The following NFATC2 variants were observed in gnomAD, a reference collection of about 807,000 sequenced individuals.
NFATC2 encodes the protein nuclear factor of activated T cells 2.
In NFATC2, 22 loss-of-function variants were observed where a neutral mutation model predicts 87.3. The observed-to-expected ratio is 0.25, with a 90% CI of 0.18 to 0.36. NFATC2 has a LOEUF of 0.36. Ranked by LOEUF, NFATC2 falls within the 10% of genes least tolerant of loss-of-function variation. NFATC2 has a pLI of 1.00. For missense variants in NFATC2, 1,149 were observed against 1,259.1 expected, an observed-to-expected ratio of 0.91 and a Z score of 1.32; for synonymous variants, 565 against 542.2, an observed-to-expected ratio of 1.04 and a Z score of -0.58.
chr20:51,562,449 C>A lies in NFATC2; in HGVS notation c.70+111G>T. 1 of 1,015,834 alleles carries A rather than the reference C, an allele frequency of 9.8e-7. No homozygotes were observed. Among genetic ancestry groups the A allele is most frequent in the Non-Finnish European group, 1.5e-6 (1 of 685,838 alleles). 62.9% of individuals were successfully genotyped at this position (1,015,834 alleles called of 1,614,324 possible). A position where few individuals can be genotyped will look rare whatever the true frequency, so the allele number is the denominator to read the frequency against. ...CCGAGGGCGAGCGGGGTCCCCAGGC[C>A]TCCCGCACCGACCTCTGCCGGGAGC... On this transcript the variant is annotated intron_variant, in intron 1 of 10. Transcript: ENST00000414705. This position sits in a 1 kb window ranked among gnomAD's most constrained non-coding sequence, Gnocchi z 5.8.
At chr20:51,447,311 GCAAAA>G (rs1197981535) in intron 6 of NFATC2, among the ~76,000 whole-genome samples, 1 of 152,118 alleles carries the variant, frequency 6.6e-6, no homozygotes, top group Non-Finnish European at 1.5e-5. Context: ...AAATCGTCCA[GCAAAA>G]CAAAACAAAA....
rs773149975 is a variant in NFATC2 at position 51,444,848 on chromosome 20, G to GC, written c.1850-9088dup. On this transcript the variant is annotated intron_variant, in intron 6 of 10. Coordinates refer to ENST00000371564, the MANE Select transcript of NFATC2 (RefSeq NM_012340.5). ...GTGGGGTGGGGGAGATTCAGGAATG[G>GC]CCCCCCCAGCTTAGGATTTCAGCCG... 5.3e-5 allele frequency among the ~76,000 whole-genome samples: 8 copies of GC among 152,084 alleles called. No homozygotes were observed. In the East Asian group the frequency reaches 7.7e-4, roughly 15 times the overall value.
At chr20:51,435,055 T>A in intron 8 of NFATC2, 133 bp downstream of exon 8, 1 of 1,099,222 alleles carries the variant, frequency 9.1e-7, no homozygotes, top group Non-Finnish European at 1.3e-6. Flanking sequence ...GTCTCACAGA[T>A]GATGCAACTG....
intron 1 of NFATC2, among the ~76,000 whole-genome samples, chr20:51,540,658 G>GTTTTGTTT (rs2076797432): frequency 9.1e-6 from 1 of 110,054 alleles, no homozygotes; most frequent in African/African-American, 3.7e-5. Flanking sequence ...TTTTTTTTTT[G>GTTTTGTTT]TTTTTTTTTT....
At chr20:51,509,040 C>T (rs1354848828) in intron 3 of NFATC2, among the ~76,000 whole-genome samples, 2 of 152,088 alleles carry the variant, frequency 1.3e-5, no homozygotes, top group African/African-American at 2.4e-5. Flanking sequence ...CTTCCCCTTC[C>T]CCTGCCCTTC....
At chr20:51,436,272 T>A (rs949993240) in intron 6 of NFATC2, among the ~76,000 whole-genome samples, 5 of 150,134 alleles carry the variant, frequency 3.3e-5, no homozygotes, top group African/African-American at 1.2e-4. Context: ...AATTAAAAAA[T>A]AAAATAATGT....
intron 1 of NFATC2, among the ~76,000 whole-genome samples, chr20:51,561,303 G>T (rs1262470466): frequency 1.5e-5 from 2 of 131,646 alleles, no homozygotes; most frequent in African/African-American, 3.0e-5. Flanking sequence ...CCTAACCCAA[G>T]GCATTTGGCT....
chr20:51,488,997 T>C (rs2075834012), intron 3 of NFATC2, among the ~76,000 whole-genome samples: 1 of 152,232 alleles, frequency 6.6e-6, no homozygotes, highest in Non-Finnish European at 1.5e-5. Context: ...AAGACCAGAC[T>C]GGCCAACATG....
Position 51,523,104 on chromosome 20 carries a change from C to T in NFATC2, c.1137G>A (p.Leu379=). ...ACCTGCAGATGGGAATGGCAGGCAC[C>T]AGCGGCTTGGGCCAAGTGGGCGGAA... The part of the protein sequence containing the change: ...LLVPPTWPKP[L]VPAIPICSIP... The change falls in exon 2 of 11, where the codon CTG becomes CTA. Residue 379 remains leucine (L), a synonymous_variant. Transcript: ENST00000371564. This position sits in a 1 kb window ranked among gnomAD's most constrained non-coding sequence, Gnocchi z 6.9. The T allele has an allele frequency of 1.2e-6, 2 of 1,614,256 alleles. No homozygotes were observed. The highest frequency in any genetic ancestry group is 1.7e-6 in the Non-Finnish European group (2 of 1,180,044).
chr20:51,525,305 C>T (rs1189268984), intron 1 of NFATC2, among the ~76,000 whole-genome samples: 2 of 152,144 alleles, frequency 1.3e-5, no homozygotes, highest in Admixed American at 1.3e-4. Flanking sequence ...CTGCCTAGCC[C>T]GGGCTCCTGC....
At chr20:51,438,331 T>C (rs560366046) in intron 6 of NFATC2, among the ~76,000 whole-genome samples, 11 of 151,958 alleles carry the variant, frequency 7.2e-5, no homozygotes, top group African/African-American at 2.7e-4. Context: ...AATGGCAACA[T>C]GTTGATGTTT....
Position 51,542,578 on chromosome 20 carries a change from G to T in NFATC2, c.-79C>A. The T allele has an allele frequency of 2.4e-6, 3 of 1,256,988 alleles. No individual in the cohort carries two copies. Among genetic ancestry groups the T allele is most frequent in the Non-Finnish European group, 2.0e-6 (2 of 997,288 alleles). 77.9% of individuals were successfully genotyped at this position (1,256,988 alleles called of 1,614,324 possible). On this transcript the variant is annotated 5_prime_UTR_variant, in exon 1 of 11. Coordinates refer to ENST00000371564, the MANE Select transcript of NFATC2 (RefSeq NM_012340.5). ...CTCTGGGACCCCTCGCAGTGGGGCT[G>T]GCGGAGGCGGCTCGAGCGGCGGGGT...
At chr20:51,446,684 T>C (rs980763129) in intron 6 of NFATC2, among the ~76,000 whole-genome samples, 1 of 152,252 alleles carries the variant, frequency 6.6e-6, no homozygotes, top group African/African-American at 2.4e-5. Context: ...GGACCAAGTT[T>C]AGGCAAATAT....
chr20:51,414,773 T>C (rs1979802498), intron 9 of NFATC2, among the ~76,000 whole-genome samples: 2 of 151,508 alleles, frequency 1.3e-5, no homozygotes, highest in Non-Finnish European at 2.9e-5. Flanking sequence ...CAAGAAAGCC[T>C]CCGCACAGCC....
At chr20:51,445,263 C>T (rs1446364688) in intron 6 of NFATC2, among the ~76,000 whole-genome samples, 1 of 152,156 alleles carries the variant, frequency 6.6e-6, no homozygotes. Flanking sequence ...GGGCCTGCTT[C>T]CCATTCCTCA....
intron 3 of NFATC2, among the ~76,000 whole-genome samples, chr20:51,488,727 T>C (rs6021240): frequency 0.62 from 93,892 of 152,002 alleles, 31,735 homozygotes; most frequent in African/African-American, 0.9. Flanking sequence ...CCCAGCACTG[T>C]CATCTCTCAC....
In NFATC2 at chr20:51,562,573, C is replaced by A. The variant is rs1360796407; in HGVS notation, c.57G>T (p.Gly19=). ...AGAGTCAGTTACCTTGGTCCACAGA[C>A]CCCATGATGCGGAGGGGATGGCAGT... Residue 19 remains glycine (G), a synonymous_variant, in exon 1 of 11, where the codon GGG becomes GGT. Coordinates refer to the NFATC2 transcript ENST00000414705. This position sits in a 1 kb window ranked among gnomAD's most constrained non-coding sequence, Gnocchi z 5.8. 8 of 1,551,208 alleles carry A rather than the reference C, an allele frequency of 5.2e-6. No individual in the cohort carries two copies. The highest frequency in any genetic ancestry group is 4.9e-5 in the East Asian group (2 of 40,908).
intron 1 of NFATC2, among the ~76,000 whole-genome samples, chr20:51,529,963 G>T (rs1440913048): frequency 6.6e-6 from 1 of 152,180 alleles, no homozygotes; most frequent in Non-Finnish European, 1.5e-5. Context: ...CATATACACA[G>T]ATGTCAGTGT....
chr20:51,405,677 C>CT (rs1256443878), intron 9 of NFATC2, among the ~76,000 whole-genome samples: 1 of 152,182 alleles, frequency 6.6e-6, no homozygotes, highest in Admixed American at 6.5e-5. Flanking sequence ...GACCTCATCT[C>CT]TCTCATCTAC....
Sources: gnomAD v4.1 joint callset for allele counts (sites outside exome capture counted in the v4.1 genomes callset) on GRCh38, gnomAD v4.1.1 for gene constraint, Gnocchi (gnomAD v3.1) non-coding constraint, MANE v1.5 for transcripts, NCBI Gene and HGNC (gene_info 2026-07-23, HGNC 2026-07-21) for gene names.